Variants in SLC22A9 observed in about 807,000 individuals in gnomAD.
SLC22A9 encodes solute carrier family 22 member 9.
In SLC22A9, 64 loss-of-function variants were observed where a neutral mutation model predicts 50.1. That is an observed-to-expected ratio of 1.28 (90% CI 1.04 to 1.57). SLC22A9 has a LOEUF of 1.57. SLC22A9 is among the 40% of genes most tolerant of loss of function. The probability of loss-of-function intolerance (pLI) is 0.00; values close to 1 mark genes in which losing one functional copy is unlikely to be tolerated. For missense variants in SLC22A9, 757 were observed against 676.1 expected (o/e 1.12, Z -1.33); for synonymous variants, 261 against 242.5 (o/e 1.08, Z -0.71).
At chr11:63,382,092 C>T in intron 5 of SLC22A9, 67 bp from the exon 6 acceptor site, 3 of 1,145,944 alleles carry the variant, frequency 2.6e-6, no homozygotes, top group Non-Finnish European at 3.8e-6. Context: ...GTGGGTTGAC[C>T]AGTGCGCCTA....
At position 63,385,015 on chromosome 11, in the gene SLC22A9, C is replaced by T. The variant is rs1469334625; in HGVS notation, c.1073+2738C>T. Among the ~76,000 whole-genome samples, 4 of 150,472 alleles carry T rather than the reference C, an allele frequency of 2.7e-5. No individual in the cohort carries two copies. The East Asian group carries it at 5.9e-4, about 22-fold the overall frequency. On this transcript the variant is annotated intron_variant, in intron 6 of 9. Transcript: ENST00000279178. ...TGTTTTTTCCTTGTAAATTTAAGTT[C>T]CTTATAGACTGGATATTACATCTTT...
intron 5 of SLC22A9, among the ~76,000 whole-genome samples, chr11:63,377,899 A>T (rs1471528745): frequency 6.6e-6 from 1 of 152,114 alleles, no homozygotes; most frequent in East Asian, 1.9e-4. Flanking sequence ...TACAAAAAAC[A>T]CTCAGAGACT....
intron 6 of SLC22A9, among the ~76,000 whole-genome samples, chr11:63,395,568 C>T (rs2014838681): frequency 6.6e-6 from 1 of 152,162 alleles, no homozygotes; most frequent in Non-Finnish European, 1.5e-5. Context: ...GTGATTTGAA[C>T]TGTCTATTGG....
rs1435815478 is a variant in SLC22A9 at position 63,409,877 on chromosome 11, T to A, written c.*15T>A. 2 of 1,613,036 alleles carry A rather than the reference T, an allele frequency of 1.2e-6. 1 individual carries two copies. Among genetic ancestry groups the A allele is most frequent in the Non-Finnish European group, 1.7e-6 (2 of 1,179,520 alleles). ...CGCAGTTTTAAGGAATTCCAGGAGCTGACTGCCGATCAATGAGCCAGATGA... is the reference window on the plus strand; with the variant it reads ...CGCAGTTTTAAGGAATTCCAGGAGCAGACTGCCGATCAATGAGCCAGATGA... On this transcript the variant is annotated 3_prime_UTR_variant, in exon 10 of 10. Coordinates refer to ENST00000279178, the MANE Select transcript of SLC22A9 (RefSeq NM_080866.3).
rs757889310 is a variant in SLC22A9, at chr11:63,375,762, C to A, written c.948C>A (p.Thr316=). Residue 316 remains threonine, a synonymous_variant, in exon 5 of 10, where the codon ACC becomes ACA. Coordinates refer to ENST00000279178, the MANE Select transcript of SLC22A9 (RefSeq NM_080866.3). The stretch of plus-strand genomic sequence containing the variant: ...TGAAGAATGCCAGAGACACCCTAAC[C>A]CTGGAGGTGAGCTGGATGGGAGCTA... ...SGMKNARDTL[T]LEILKSTMKK... 6.2e-7 allele frequency: 1 copy of A among 1,611,604 alleles called. No homozygotes were observed. Among genetic ancestry groups the A allele is most frequent in the Non-Finnish European group, 8.5e-7 (1 of 1,178,420 alleles).
intron 5 of SLC22A9, among the ~76,000 whole-genome samples, chr11:63,378,667 C>T (rs1459466721): frequency 6.6e-6 from 1 of 152,070 alleles, no homozygotes. Flanking sequence ...ACAATTTTAG[C>T]AAAGTTTCAG....
intron 6 of SLC22A9, among the ~76,000 whole-genome samples, chr11:63,397,580 G>C (rs1033614791): frequency 2.6e-5 from 4 of 152,086 alleles, no homozygotes; most frequent in African/African-American, 9.7e-5. Flanking sequence ...GGCTGAGCTG[G>C]CACCCAAGGC....
intron 6 of SLC22A9, among the ~76,000 whole-genome samples, chr11:63,400,298 A>C (rs1230769133): frequency 6.6e-6 from 1 of 152,068 alleles, no homozygotes; most frequent in Admixed American, 6.6e-5. Flanking sequence ...AAACAAAAAT[A>C]AATCAAATTG....
intron 6 of SLC22A9, among the ~76,000 whole-genome samples, chr11:63,387,011 G>C (rs1484615859): frequency 6.6e-6 from 1 of 151,882 alleles, no homozygotes; most frequent in Admixed American, 6.6e-5. Context: ...GATCTTTCTA[G>C]CTTTTTGATG....
Position 63,375,626 on chromosome 11 carries a change from T to C in SLC22A9, c.831-19T>C, listed in dbSNP as rs2014446198. The C allele has an allele frequency of 6.2e-7, 1 of 1,608,768 alleles. No homozygotes were observed. Among genetic ancestry groups the C allele is most frequent in the Admixed American group, 1.7e-5 (1 of 59,136 alleles). On this transcript the variant is annotated intron_variant, in intron 4 of 9. Transcript: ENST00000279178. ...AGGAAGTGAAAGTCGACTGCCCCTC[T>C]GTTCTCTTCCTTGGTCAGTTGGCTG...
At chr11:63,376,155 A>T (rs944209648) in intron 5 of SLC22A9, among the ~76,000 whole-genome samples, 4 of 152,162 alleles carry the variant, frequency 2.6e-5, no homozygotes, top group African/African-American at 9.6e-5. Context: ...GAGCAAATAG[A>T]ATACAACATA....
rs1801401 is a variant in SLC22A9, at chr11:63,375,755, C to A, written c.941C>A (p.Thr314Asn). Residue 314 changes from threonine (T) to asparagine (N), a missense_variant, in exon 5 of 10, where the codon ACC becomes AAC. Physicochemically the swap from Thr to Asn is moderately conservative, Grantham distance 65. Coordinates refer to ENST00000279178, the MANE Select transcript of SLC22A9 (RefSeq NM_080866.3). ...AGTGGAATGAAGAATGCCAGAGACACCCTAACCCTGGAGGTGAGCTGGATG... is the reference window on the plus strand; with the variant it reads ...AGTGGAATGAAGAATGCCAGAGACAACCTAACCCTGGAGGTGAGCTGGATG... ...HRSGMKNARD[T>N]LTLEILKSTM... 4.5e-5 allele frequency: 72 copies of A among 1,611,906 alleles called. No individual in the cohort carries two copies. The highest frequency in any genetic ancestry group is 5.4e-5 in the Non-Finnish European group (64 of 1,178,678).
At chr11:63,373,002 AAT>A (rs1455934085) in intron 2 of SLC22A9, among the ~76,000 whole-genome samples, 1 of 152,154 alleles carries the variant, frequency 6.6e-6, no homozygotes, top group African/African-American at 2.4e-5. Context: ...ATACAATGCC[AAT>A]GACATTGGTG....
chr11:63,394,867 T>C (rs1209030313), intron 6 of SLC22A9, among the ~76,000 whole-genome samples: 4 of 152,140 alleles, frequency 2.6e-5, no homozygotes, highest in African/African-American at 9.7e-5. Context: ...CCAAATATTC[T>C]TAGGTTTGGT....
At chr11:63,384,841 T>C (rs188594962) in intron 6 of SLC22A9, among the ~76,000 whole-genome samples, 41 of 152,268 alleles carry the variant, frequency 2.7e-4, no homozygotes, top group Non-Finnish European at 4.7e-4. Context: ...CTGATTGGTG[T>C]GAGACGGTAT....
At chr11:63,403,973 A>G (rs1327361530) in intron 6 of SLC22A9, among the ~76,000 whole-genome samples, 2 of 152,070 alleles carry the variant, frequency 1.3e-5, no homozygotes, top group Admixed American at 6.6e-5. Flanking sequence ...ATGATTCTGT[A>G]TTTTCAGTTA....
chr11:63,410,015 C>T lies in SLC22A9; in HGVS notation c.*153C>T. 1.4e-6 allele frequency: 1 copy of T among 703,000 alleles called. No homozygotes were observed. The highest frequency in any genetic ancestry group is 2.7e-5 in the Admixed American group (1 of 37,522). The allele number at this position is 703,000 out of a possible 1,614,324, so 43.5% of individuals were successfully genotyped here. The stretch of plus-strand genomic sequence containing the variant: ...CAGCACCTTGGGAGGCTGAGGCGGG[C>T]AGATCATGAGGTCAGAAGATAAAGA... On this transcript the variant is annotated 3_prime_UTR_variant, in exon 10 of 10. Coordinates refer to ENST00000279178, the MANE Select transcript of SLC22A9 (RefSeq NM_080866.3).
At chr11:63,395,372 G>T (rs564129078) in intron 6 of SLC22A9, among the ~76,000 whole-genome samples, 1 of 152,182 alleles carries the variant, frequency 6.6e-6, no homozygotes, top group South Asian at 2.1e-4. Context: ...GGTAGGTCTA[G>T]GGCTAAAGGC....
At position 63,375,267 on chromosome 11, in the gene SLC22A9, G is replaced by A. The variant is rs112745008; in HGVS notation, c.831-378G>A. Among the ~76,000 whole-genome samples the A allele has an allele frequency of 1.1e-4, 17 of 152,216 alleles. 2 individuals are homozygous for A. The highest frequency in any genetic ancestry group is 8.5e-4 in the Admixed American group (13 of 15,268). On this transcript the variant is annotated intron_variant, in intron 4 of 9. Transcript: ENST00000279178. ...GGCCTTAAGCATGCATAAATTATTT[G>A]AGGGACTTTATTTTAGGGAAAAGAA...
Sources: gnomAD v4.1 joint callset for allele counts (sites outside exome capture counted in the v4.1 genomes callset) on GRCh38, gnomAD v4.1.1 for gene constraint, MANE v1.5 for transcripts, NCBI Gene and HGNC (gene_info 2026-07-23, HGNC 2026-07-21) for gene names.